The following PCTP variants were observed in gnomAD, a reference collection of about 807,000 sequenced individuals.
The protein encoded by PCTP is phosphatidylcholine transfer protein.
A neutral mutation model predicts 31.0 loss-of-function variants in PCTP; 27 were observed. That is an observed-to-expected ratio of 0.87 (90% CI 0.64 to 1.20). The LOEUF is 1.20. Ranked by LOEUF, PCTP falls within the 50% of genes most tolerant of loss-of-function variation. PCTP has a pLI of 0.00. For missense variants in PCTP, 287 were observed against 268.2 expected, an observed-to-expected ratio of 1.07 and a Z score of -0.49; for synonymous variants, 108 against 101.2, an observed-to-expected ratio of 1.07 and a Z score of -0.40.
downstream of PCTP, among the ~76,000 whole-genome samples, chr17:55,843,619 A>C (rs1226697456): frequency 6.6e-6 from 1 of 152,194 alleles, no homozygotes; most frequent in Non-Finnish European, 1.5e-5. Flanking sequence ...TTTCTCAGTC[A>C]GACTGAATAG....
At chr17:55,777,618 G>T (rs546289574), downstream of PCTP, among the ~76,000 whole-genome samples, 1 of 152,276 alleles carries the variant, frequency 6.6e-6, no homozygotes, top group African/African-American at 2.4e-5. Context: ...TAGCATTGTC[G>T]CTAACAGCAA....
the PCTP span, among the ~76,000 whole-genome samples, chr17:55,852,084 A>G: frequency 6.6e-6 from 1 of 152,154 alleles, no homozygotes; most frequent in Non-Finnish European, 1.5e-5. Flanking sequence ...TCAACTTTAT[A>G]TTTTTGAGAT....
intron 1 of PCTP, among the ~76,000 whole-genome samples, chr17:55,757,623 A>C (rs993532720): frequency 2.0e-5 from 3 of 152,158 alleles, no homozygotes; most frequent in African/African-American, 7.2e-5. Flanking sequence ...TCATCAATGA[A>C]TAAGTTCTAT....
chr17:55,847,232 T>C (rs1906170248), downstream of PCTP, among the ~76,000 whole-genome samples: 1 of 152,244 alleles, frequency 6.6e-6, no homozygotes, highest in African/African-American at 2.4e-5. Context: ...CTCTGTTAAA[T>C]ACTTCCAAGT....
the PCTP span, among the ~76,000 whole-genome samples, chr17:55,850,598 CA>C: frequency 0.18 from 27,063 of 152,098 alleles, 2,797 homozygotes; most frequent in East Asian, 0.38. Flanking sequence ...AGCATTTATG[CA>C]AAGATCTACG....
downstream of PCTP, among the ~76,000 whole-genome samples, chr17:55,827,012 A>G (rs756548474): frequency 1.1e-4 from 17 of 150,274 alleles, no homozygotes; most frequent in Non-Finnish European, 2.2e-4. Flanking sequence ...CAACAGATAC[A>G]AAAGATACCT....
chr17:55,779,996 G>T (rs1337405452), downstream of PCTP, among the ~76,000 whole-genome samples: 1 of 152,086 alleles, frequency 6.6e-6, no homozygotes, highest in African/African-American at 2.4e-5. Flanking sequence ...GGGGCCAGAA[G>T]TGGGAGAGAA....
chr17:55,760,818 A>T (rs1910304305), intron 1 of PCTP, among the ~76,000 whole-genome samples: 1 of 152,080 alleles, frequency 6.6e-6, no homozygotes, highest in South Asian at 2.1e-4. Context: ...GGTGGCCTGG[A>T]GCAGGAGTAC....
intron 3 of PCTP, among the ~76,000 whole-genome samples, chr17:55,801,912 TCA>T (rs2145027337): frequency 6.6e-6 from 1 of 152,150 alleles, no homozygotes; most frequent in East Asian, 1.9e-4. Context: ...TTCAAAAAAA[TCA>T]GTGAATCCAG....
intron 1 of PCTP, among the ~76,000 whole-genome samples, chr17:55,757,876 C>CA (rs1375838510): frequency 1.3e-5 from 2 of 152,008 alleles, no homozygotes; most frequent in Non-Finnish European, 2.9e-5. Context: ...AAAGTGAGAC[C>CA]AAAAAATGTC....
downstream of PCTP, among the ~76,000 whole-genome samples, chr17:55,827,542 C>T (rs1310082931): frequency 6.6e-6 from 1 of 152,230 alleles, no homozygotes; most frequent in Non-Finnish European, 1.5e-5. Context: ...TTAGCTGAAA[C>T]ACCTATATTT....
chr17:55,804,664 G>A (rs1912519881), intron 3 of PCTP, among the ~76,000 whole-genome samples: 1 of 152,140 alleles, frequency 6.6e-6, no homozygotes, highest in Non-Finnish European at 1.5e-5. Flanking sequence ...GTTGAACAAT[G>A]AGAACACATG....
exon 6 of PCTP, chr17:55,842,814 A>G (rs1312585990): frequency 6.6e-6 from 1 of 152,248 alleles, no homozygotes; most frequent in East Asian, 1.9e-4. Flanking sequence ...CGGCGGATGG[A>G]AGAGGGCTCC....
chr17:55,833,254 A>G (rs1237919359), intron 5 of PCTP, among the ~76,000 whole-genome samples: 1 of 152,242 alleles, frequency 6.6e-6, no homozygotes, highest in Non-Finnish European at 1.5e-5. Context: ...GACGTTCCAC[A>G]GCAAGTATAG....
At chr17:55,780,064 T>C (rs1911504958), downstream of PCTP, among the ~76,000 whole-genome samples, 1 of 150,948 alleles carries the variant, frequency 6.6e-6, no homozygotes, top group South Asian at 2.1e-4. Flanking sequence ...CTTTTTTTTA[T>C]ATTCATCCTT....
chr17:55,799,007 A>T (rs1912279365), intron 3 of PCTP, among the ~76,000 whole-genome samples: 1 of 151,840 alleles, frequency 6.6e-6, no homozygotes, highest in Non-Finnish European at 1.5e-5. Context: ...TATTAATAAA[A>T]TATTTATGTT....
intron 1 of PCTP, among the ~76,000 whole-genome samples, chr17:55,752,733 A>G (rs920331288): frequency 1.3e-5 from 2 of 152,182 alleles, no homozygotes; most frequent in African/African-American, 4.8e-5. Context: ...CAGATGTTAT[A>G]TCTTGATGGA....
intron 5 of PCTP, among the ~76,000 whole-genome samples, chr17:55,837,240 T>C (rs952766905): frequency 1.3e-5 from 2 of 152,120 alleles, no homozygotes; most frequent in Non-Finnish European, 2.9e-5. Flanking sequence ...CTGCAAGCAG[T>C]GGGTGGTAAT....
chr17:55,849,271 G>C, the PCTP span, among the ~76,000 whole-genome samples: 3 of 152,174 alleles, frequency 2.0e-5, no homozygotes, highest in Non-Finnish European at 2.9e-5. Flanking sequence ...TTAGATGGCT[G>C]AAAAGGAAAT....
Sources: allele counts gnomAD v4.1 joint callset (sites outside exome capture counted in the v4.1 genomes callset), GRCh38; gene constraint gnomAD v4.1.1; transcripts MANE v1.5; gene names NCBI Gene and HGNC (gene_info 2026-07-23, HGNC 2026-07-21).